The following CDHR1 variants were observed in gnomAD, a reference collection of about 807,000 sequenced individuals.
CDHR1 encodes the protein cadherin related family member 1.
Under a neutral mutation model 72.1 loss-of-function variants are expected in CDHR1, and 61 were observed. The ratio of observed to expected loss-of-function variants is 0.85; its 90% CI spans 0.69 to 1.05. The LOEUF (loss-of-function observed/expected upper bound fraction) is 1.05, where lower values mean the gene tolerates loss of function less well. Among genes scored for constraint, CDHR1 ranks in the 50% least tolerant of loss-of-function variants. The pLI is 0.00. For missense variants in CDHR1, 1,186 were observed against 1,115.7 expected (o/e 1.06, Z -0.90); for synonymous variants, 470 against 448.1 (o/e 1.05, Z -0.62).
chr10:84,213,247 G>A lies in CDHR1; in HGVS notation c.1939G>A (p.Gly647Arg), dbSNP rs766984019. Residue 647 changes from glycine (G) to arginine (R), a missense_variant, in exon 16 of 17, where the codon GGA (glycine) becomes AGA (arginine). By Grantham distance (125) the Gly-to-Arg change is moderately radical. Coordinates refer to ENST00000623527, the MANE Select transcript of CDHR1 (RefSeq NM_033100.4). ...SLDALHNITP[G>R]RDCLWSLEVQ... ...GGATGCCCTGCACAACATCACACCT[G>A]GAAGGGACTGCCTATGGTCCCTAGA... 9.9e-6 allele frequency: 16 copies of A among 1,614,124 alleles called. No homozygotes were observed. The highest frequency in any genetic ancestry group is 1.4e-5 in the Non-Finnish European group (16 of 1,180,052).
At chr10:84,196,063 C>T (rs1485283714) in intron 2 of CDHR1, among the ~76,000 whole-genome samples, 1 of 152,214 alleles carries the variant, frequency 6.6e-6, no homozygotes, top group African/African-American at 2.4e-5. Flanking sequence ...GAAATCCCTG[C>T]AGAACCAGGT....
In CDHR1 at chr10:84,208,486, G is replaced by A. The variant is rs1041954598; in HGVS notation, c.1167+109G>A. 6 of 1,240,364 alleles carry A rather than the reference G, an allele frequency of 4.8e-6. No homozygotes were observed. In the South Asian group the frequency reaches 6.4e-5, roughly 13 times the overall value. 76.8% of individuals were successfully genotyped at this position (1,240,364 alleles called of 1,614,324 possible). A position where few individuals can be genotyped will look rare whatever the true frequency, so the allele number is the denominator to read the frequency against. On this transcript the variant is annotated intron_variant, in intron 11 of 16. Coordinates refer to ENST00000623527, the MANE Select transcript of CDHR1 (RefSeq NM_033100.4). ...GCTCTGCGTATGTAGCCGGGACCAG[G>A]TGGGCCACAAAATGAATGAAACAAG...
At chr10:84,199,771 G>C (rs1380569813) in intron 5 of CDHR1, among the ~76,000 whole-genome samples, 1 of 152,160 alleles carries the variant, frequency 6.6e-6, no homozygotes, top group African/African-American at 2.4e-5. Flanking sequence ...ATGCCCACAG[G>C]GTGTTGCCAG....
chr10:84,214,450 C>T lies in CDHR1; in HGVS notation c.2409C>T (p.Ser803=). The T allele has an allele frequency of 6.2e-7, 1 of 1,612,238 alleles. No homozygotes were observed. The highest frequency in any genetic ancestry group is 8.5e-7 in the Non-Finnish European group (1 of 1,179,910). ...ALPPPPSVAP[S]TGAAQWTVPT... is the part of the protein sequence containing the mutation. The stretch of plus-strand genomic sequence containing the variant: ...CTCCACCACCCAGCGTGGCGCCCAG[C>T]ACTGGCGCAGCCCAGTGGACCGTGC... The change falls in exon 17 of 17, where the codon AGC becomes AGT. Residue 803 remains serine, a synonymous_variant. Transcript: ENST00000623527.
Position 84,198,970 on chromosome 10 carries a change from T to C in CDHR1, c.349-62T>C, listed in dbSNP as rs17103205. On this transcript the variant is annotated intron_variant, in intron 4 of 16. Coordinates refer to ENST00000623527, the MANE Select transcript of CDHR1 (RefSeq NM_033100.4). ...TGTACATTGGAGTGATAGAGGTCGCTATCCATTCATCCTTCAGAAGGTCTC... is the reference window on the plus strand; with the variant it reads ...TGTACATTGGAGTGATAGAGGTCGCCATCCATTCATCCTTCAGAAGGTCTC... 9,715 of 1,243,560 alleles carry C rather than the reference T, an allele frequency of 7.8e-3. 435 individuals carry two copies. The East Asian group carries it at 0.13, about 16-fold the overall frequency. The allele number at this position is 1,243,560 out of a possible 1,614,324, so 77.0% of individuals were successfully genotyped here.
rs141892662 is a variant in CDHR1, at chr10:84,199,375, T to C, written c.438+254T>C. Reference sequence around the variant, plus strand: ...AGTTTTCAAAATCACCCTCGCTGTCTCCAACTTGAGACATTGTTAAATTTT... The same window carrying C: ...AGTTTTCAAAATCACCCTCGCTGTCCCCAACTTGAGACATTGTTAAATTTT... On this transcript the variant is annotated intron_variant, in intron 5 of 16. Coordinates refer to ENST00000623527, the MANE Select transcript of CDHR1 (RefSeq NM_033100.4). Among the ~76,000 whole-genome samples, 695 of 152,396 alleles carry C rather than the reference T, an allele frequency of 4.6e-3. 4 individuals are homozygous for C. Among genetic ancestry groups the C allele is most frequent in the African/African-American group, 0.016 (659 of 41,602 alleles).
Position 84,200,492 on chromosome 10 carries a change from T to A in CDHR1, c.439-109T>A, listed in dbSNP as rs1459212690. 8 of 761,898 alleles carry A rather than the reference T, an allele frequency of 1.1e-5. No individual in the cohort carries two copies. In the East Asian group the frequency reaches 2.1e-4, roughly 20 times the overall value. 47.2% of individuals were successfully genotyped at this position (761,898 alleles called of 1,614,324 possible). A position where few individuals can be genotyped will look rare whatever the true frequency, so the allele number is the denominator to read the frequency against. ...CATTTTATCCTCAATTGTTCACCTC[T>A]TTTTGACACTTCACTCCCCGACCCC... On this transcript the variant is annotated intron_variant, in intron 5 of 16. Coordinates refer to ENST00000623527, the MANE Select transcript of CDHR1 (RefSeq NM_033100.4).
Position 84,214,645 on chromosome 10 carries a change from T to A in CDHR1, c.*24T>A, listed in dbSNP as rs1426884209. On this transcript the variant is annotated 3_prime_UTR_variant, in exon 17 of 17. Coordinates refer to ENST00000623527, the MANE Select transcript of CDHR1 (RefSeq NM_033100.4). ...AGTGTATGCCCTATGACCCCCCATCTTTCCTCCGCCCCTGACCCCCACCAC... is the reference window on the plus strand; with the variant it reads ...AGTGTATGCCCTATGACCCCCCATCATTCCTCCGCCCCTGACCCCCACCAC... The A allele has an allele frequency of 1.9e-6, 3 of 1,599,262 alleles. No homozygotes were observed. The highest frequency in any genetic ancestry group is 2.7e-5 in the African/African-American group (2 of 74,976).
rs2132840670 is a variant in CDHR1 at position 84,215,724 on chromosome 10, C to T, written c.*1103C>T. On this transcript the variant is annotated 3_prime_UTR_variant, in exon 17 of 17. Coordinates refer to ENST00000623527, the MANE Select transcript of CDHR1 (RefSeq NM_033100.4). ...CTGCAGCCCAGTTCTGTGGGTGCAGCTCTTCCAGAAAGTATTAGGAGCCTC... is the reference window on the plus strand; with the variant it reads ...CTGCAGCCCAGTTCTGTGGGTGCAGTTCTTCCAGAAAGTATTAGGAGCCTC... 1 of 985,442 alleles carries T rather than the reference C, an allele frequency of 1.0e-6. No homozygotes were observed. The highest frequency in any genetic ancestry group is 4.7e-5 in the South Asian group (1 of 21,286). The allele number at this position is 985,442 out of a possible 1,614,324, so 61.0% of individuals were successfully genotyped here. A position where few individuals can be genotyped will look rare whatever the true frequency, so the allele number is the denominator to read the frequency against.
chr10:84,207,963 G>C (rs1485199390), intron 10 of CDHR1, among the ~76,000 whole-genome samples: 1 of 152,174 alleles, frequency 6.6e-6, no homozygotes, highest in African/African-American at 2.4e-5. Context: ...CGGCAAGAGA[G>C]AGAGTTCACA....
At chr10:84,200,337 G>A (rs180821453) in intron 5 of CDHR1, among the ~76,000 whole-genome samples, 1 of 152,170 alleles carries the variant, frequency 6.6e-6, no homozygotes, top group Non-Finnish European at 1.5e-5. Flanking sequence ...TCTGTTTGGG[G>A]TCTTGGTTTT....
intron 7 of CDHR1, 131 bp downstream of exon 7, chr10:84,202,051 G>T: frequency 1.3e-6 from 1 of 751,046 alleles, no homozygotes; most frequent in Non-Finnish European, 2.3e-6. Context: ...ATAGGGAGCA[G>T]CTGCTCGGAA....
At position 84,204,508 on chromosome 10, in the gene CDHR1, C is replaced by T; in HGVS notation, c.784-19C>T. 1 of 1,586,558 alleles carries T rather than the reference C, an allele frequency of 6.3e-7. No individual in the cohort carries two copies. The highest frequency in any genetic ancestry group is 8.7e-7 in the Non-Finnish European group (1 of 1,154,806). On this transcript the variant is annotated intron_variant, in intron 8 of 16. Coordinates refer to ENST00000623527, the MANE Select transcript of CDHR1 (RefSeq NM_033100.4). ...CCCCATATTGCCCATCAGGCAGCGG[C>T]TGTTCCTGTTTCCCCGAGGGCTCGG...
intron 7 of CDHR1, 90 bp downstream of exon 7, chr10:84,202,010 G>A (rs1418048695): frequency 5.6e-6 from 5 of 900,082 alleles, no homozygotes; most frequent in Admixed American, 3.9e-5. Flanking sequence ...GGAGCAGTTT[G>A]GAGAGCAGGA....
chr10:84,199,927 C>G (rs1303038772), intron 5 of CDHR1, among the ~76,000 whole-genome samples: 2 of 152,164 alleles, frequency 1.3e-5, no homozygotes, highest in Non-Finnish European at 2.9e-5. Flanking sequence ...AATCCCAGCA[C>G]TTTGGGAGGC....
chr10:84,205,070 G>A (rs750770513), intron 9 of CDHR1, among the ~76,000 whole-genome samples: 26 of 152,252 alleles, frequency 1.7e-4, no homozygotes, highest in Non-Finnish European at 2.4e-4. Context: ...AGCTGAGTAG[G>A]CATCCCAAGT....
At chr10:84,219,078 G>T, downstream of CDHR1, 1 of 983,710 alleles carries the variant, frequency 1.0e-6, no homozygotes. Flanking sequence ...CTATTTTATA[G>T]GTGAGAAGAC....
At position 84,204,616 on chromosome 10, in the gene CDHR1, G is replaced by C; in HGVS notation, c.862+11G>C. ...ACAGCCTTGTAAATGGTGAGTCTGA[G>C]CAGCTTTGGGGGCTGCAGCTTTGAC... is the stretch of plus-strand genomic sequence containing the variant. On this transcript the variant is annotated intron_variant, in intron 9 of 16. Transcript: ENST00000623527. The C allele has an allele frequency of 6.2e-7, 1 of 1,600,912 alleles. No homozygotes were observed. Among genetic ancestry groups the C allele is most frequent in the Non-Finnish European group, 8.6e-7 (1 of 1,168,026 alleles).
intron 6 of CDHR1, among the ~76,000 whole-genome samples, chr10:84,201,118 CT>C (rs534373644): frequency 4.3e-4 from 65 of 152,380 alleles, no homozygotes; most frequent in African/African-American, 1.5e-3. Context: ...AACCCCACCC[CT>C]CACCACTCCC....
Sources: allele counts gnomAD v4.1 joint callset (sites outside exome capture counted in the v4.1 genomes callset), GRCh38; gene constraint gnomAD v4.1.1; transcripts MANE v1.5; gene names NCBI Gene and HGNC (gene_info 2026-07-23, HGNC 2026-07-21).